The following ABL2 variants were observed in gnomAD, a reference collection of about 807,000 sequenced individuals.
ABL2 encodes tyrosine-protein kinase ABL2.
Under a neutral mutation model 107.7 loss-of-function variants are expected in ABL2, and 49 were observed. The ratio of observed to expected loss-of-function variants is 0.45; its 90% CI spans 0.36 to 0.58. The LOEUF is 0.58. ABL2 is among the 20% of genes least tolerant of loss of function. ABL2 has a pLI of 0.00. For missense variants in ABL2, 1,245 were observed against 1,457.0 expected, an observed-to-expected ratio of 0.85 and a Z score of 2.37; for synonymous variants, 549 against 548.6, an observed-to-expected ratio of 1.00 and a Z score of -0.01.
chr1:179,166,220 T>C (rs1659370709), intron 1 of ABL2, among the ~76,000 whole-genome samples: 1 of 151,746 alleles, frequency 6.6e-6, no homozygotes, highest in African/African-American at 2.4e-5. Flanking sequence ...AAAACACAGA[T>C]AGCAAAAACA....
Position 179,106,080 on chromosome 1 carries a change from A to G in ABL2, c.*1638T>C, listed in dbSNP as rs939237840. 9.2e-6 allele frequency: 2 copies of G among 217,022 alleles called. No homozygotes were observed. The highest frequency in any genetic ancestry group is 2.2e-5 in the African/African-American group (1 of 44,472). The allele number at this position is 217,022 out of a possible 1,614,324, so 13.4% of individuals were successfully genotyped here. On this transcript the variant is annotated 3_prime_UTR_variant, in exon 12 of 12. Transcript: ENST00000502732. ...ACTCAGTGCTCAATGTTGAATTCCTATCTTCCTAAGCTAATATTCCTTTGA... is the reference window on the plus strand; with the variant it reads ...ACTCAGTGCTCAATGTTGAATTCCTGTCTTCCTAAGCTAATATTCCTTTGA...
rs757877206 is a variant in ABL2, at chr1:179,108,394, A to T, written c.2873T>A (p.Phe958Tyr). 1.5e-5 allele frequency: 24 copies of T among 1,614,046 alleles called. No individual in the cohort carries two copies. The highest frequency in any genetic ancestry group is 1.9e-5 in the Non-Finnish European group (23 of 1,180,032). ...GACCTGATGCTCAGATAAGAGCTTG[A>T]ATTTATTCCCCTGAGAGTCTGTGCC... Reference protein sequence around the residue: ...LIGTDSQGNKFKLLSEHQVTS... With the variant: ...LIGTDSQGNKYKLLSEHQVTS... The change falls in exon 12 of 12, where the codon TTC becomes TAC. Residue 958 changes from phenylalanine to tyrosine, a missense_variant. By Grantham distance (22) the Phe-to-Tyr change is conservative. Coordinates refer to ENST00000502732, the MANE Select transcript of ABL2 (RefSeq NM_007314.4).
At chr1:179,142,810 CTT>C in intron 1 of ABL2, 1 of 1,188,172 alleles carries the variant, frequency 8.4e-7, no homozygotes, top group Non-Finnish European at 1.2e-6. Context: ...AGCACACAAA[CTT>C]TCACTGACCA....
chr1:179,182,230 C>A (rs769984057), intron 1 of ABL2, among the ~76,000 whole-genome samples: 1 of 152,030 alleles, frequency 6.6e-6, no homozygotes, highest in Non-Finnish European at 1.5e-5. Context: ...TTTGCAGAAC[C>A]ACAAGCTGGG....
intron 1 of ABL2, among the ~76,000 whole-genome samples, chr1:179,159,568 G>A (rs1046618264): frequency 2.0e-4 from 30 of 152,074 alleles, no homozygotes; most frequent in Non-Finnish European, 1.2e-4. Flanking sequence ...AAAATGTGTC[G>A]TTTTTGGTTG....
intron 1 of ABL2, among the ~76,000 whole-genome samples, chr1:179,192,808 AAATAC>A (rs1159996440): frequency 2.6e-5 from 4 of 152,212 alleles, no homozygotes; most frequent in Non-Finnish European, 5.9e-5. Flanking sequence ...TCTTCCTAAT[AAATAC>A]AAGAGTCTGA....
At position 179,112,300 on chromosome 1, in the gene ABL2, G is replaced by C; in HGVS notation, c.1651+9C>G. 1 of 1,610,052 alleles carries C rather than the reference G, an allele frequency of 6.2e-7. No homozygotes were observed. The highest frequency in any genetic ancestry group is 1.3e-5 in the African/African-American group (1 of 74,938). On this transcript the variant is annotated intron_variant, in intron 10 of 11. Transcript: ENST00000502732. ...TTAGTCACCAACAGTAAATCCAACA[G>C]ATTCTCACCTTCAGAAATGCTGGAG...
intron 1 of ABL2, among the ~76,000 whole-genome samples, chr1:179,186,173 AG>A (rs1189040998): frequency 1.3e-5 from 2 of 151,804 alleles, no homozygotes; most frequent in Non-Finnish European, 2.9e-5. Context: ...TGAACCTGGG[AG>A]GCAGAGGTTA....
At chr1:179,167,621 C>T (rs191169728) in intron 1 of ABL2, among the ~76,000 whole-genome samples, 219 of 152,216 alleles carry the variant, frequency 1.4e-3, no homozygotes, top group Middle Eastern at 3.4e-3. Flanking sequence ...GATGGACACC[C>T]CAAATACTCT....
At position 179,121,677 on chromosome 1, in the gene ABL2, T is replaced by C. The variant is rs551340084; in HGVS notation, c.878A>G (p.Lys293Arg). The change falls in exon 5 of 12, where the codon AAA (lysine) becomes AGA (arginine). Residue 293 changes from lysine (K) to arginine (R), a missense_variant. Lys to Arg is a conservative substitution (Grantham distance 26). Transcript: ENST00000502732. The stretch of plus-strand genomic sequence containing the variant: ...CTCTCCATACTGACCGCCCCCAAGT[T>C]TGTGCTTCATGGTAATATCTGTTCG... ...MERTDITMKH[K>R]LGGGQYGEVY... 5 of 1,614,102 alleles carry C rather than the reference T, an allele frequency of 3.1e-6. No homozygotes were observed. Among genetic ancestry groups the C allele is most frequent in the Admixed American group, 1.7e-5 (1 of 60,004 alleles).
At chr1:179,188,649 T>G (rs920610906) in intron 1 of ABL2, among the ~76,000 whole-genome samples, 3 of 152,176 alleles carry the variant, frequency 2.0e-5, no homozygotes, top group Non-Finnish European at 4.4e-5. Flanking sequence ...AGTAAATAAA[T>G]ATTTAGTTAG....
At chr1:179,151,602 C>T (rs1301591660) in intron 1 of ABL2, among the ~76,000 whole-genome samples, 2 of 152,158 alleles carry the variant, frequency 1.3e-5, no homozygotes, top group Admixed American at 6.5e-5. Context: ...AAATCCAGTA[C>T]GTATGAGACT....
At chr1:179,225,930 G>C (rs111602180) in intron 1 of ABL2, among the ~76,000 whole-genome samples, 7 of 151,422 alleles carry the variant, frequency 4.6e-5, no homozygotes, top group African/African-American at 1.7e-4. Context: ...TGTAGTCCCA[G>C]CTGCTCGGGA....
Position 179,105,968 on chromosome 1 carries a change from T to C in ABL2, c.*1750A>G, listed in dbSNP as rs1157741505. On this transcript the variant is annotated 3_prime_UTR_variant, in exon 12 of 12. Coordinates refer to ENST00000502732, the MANE Select transcript of ABL2 (RefSeq NM_007314.4). ...AGCTGCACACTTACTTGCAACACCCTTGAGAACATGTACTGTTACCTTAAT... is the reference window on the plus strand; with the variant it reads ...AGCTGCACACTTACTTGCAACACCCCTGAGAACATGTACTGTTACCTTAAT... 22 of 223,040 alleles carry C rather than the reference T, an allele frequency of 9.9e-5. 1 individual carries two copies. Among genetic ancestry groups the C allele is most frequent in the African/African-American group, 2.2e-5 (1 of 44,786 alleles). The allele number at this position is 223,040 out of a possible 1,614,324, so 13.8% of individuals were successfully genotyped here.
At chr1:179,143,149 G>A in intron 1 of ABL2, 2 of 1,416,490 alleles carry the variant, frequency 1.4e-6, no homozygotes, top group South Asian at 1.6e-5. Flanking sequence ...ATTTACTCAT[G>A]TACTCAGTGG....
intron 3 of ABL2, among the ~76,000 whole-genome samples, chr1:179,127,015 T>C (rs1263102655): frequency 1.3e-5 from 2 of 152,170 alleles, no homozygotes; most frequent in Non-Finnish European, 2.9e-5. Flanking sequence ...GTGCTCACTC[T>C]TCAAAAGAAG....
intron 3 of ABL2, among the ~76,000 whole-genome samples, chr1:179,130,737 TGTGTGTG>T (rs1385711987): frequency 2.0e-5 from 3 of 147,400 alleles, no homozygotes; most frequent in Admixed American, 7.4e-5. Flanking sequence ...TGTGTGTGTG[TGTGTGTG>T]TGTGTGTGTG....
chr1:179,177,066 GC>G (rs1236367177), intron 1 of ABL2, among the ~76,000 whole-genome samples: 6 of 152,024 alleles, frequency 3.9e-5, no homozygotes, highest in African/African-American at 1.4e-4. Context: ...ATAAAACCTT[GC>G]TTTTGATGTC....
At chr1:179,226,573 C>G (rs1663225240) in intron 1 of ABL2, among the ~76,000 whole-genome samples, 1 of 152,058 alleles carries the variant, frequency 6.6e-6, no homozygotes. Context: ...TCCCACAGTG[C>G]TGGGATTACA....
Sources: gnomAD v4.1 joint callset for allele counts (sites outside exome capture counted in the v4.1 genomes callset) on GRCh38, gnomAD v4.1.1 for gene constraint, MANE v1.5 for transcripts, NCBI Gene and HGNC (gene_info 2026-07-23, HGNC 2026-07-21) for gene names.